The following F8 variants were observed in gnomAD, a reference collection of about 807,000 sequenced individuals.
F8 encodes coagulation factor VIII, also known as antihemophilic factor.
Under a neutral mutation model 140.6 loss-of-function variants are expected in F8, and 12 were observed. The ratio of observed to expected loss-of-function variants is 0.09; its 90% CI spans 0.05 to 0.14. The LOEUF (loss-of-function observed/expected upper bound fraction) is 0.14, where lower values mean the gene tolerates loss of function less well. Among genes scored for constraint, F8 ranks in the 10% least tolerant of loss-of-function variants. The pLI, the probability that F8 is intolerant of heterozygous loss-of-function variation, is 1.00. For synonymous variants in F8, 585 were observed against 614.6 expected (o/e 0.95, Z 0.71); for missense variants, 1,354 against 1,720.7 (o/e 0.79, Z 3.77).
At chrX:155,021,267 C>T (rs2073759107) in intron 1 of F8, among the ~76,000 whole-genome samples, 1 of 110,594 alleles carries the variant, frequency 9.0e-6, no homozygotes, top group South Asian at 3.8e-4. Flanking sequence ...CTGGGGTTAC[C>T]TAGCTGAGGT....
intron 22 of F8, among the ~76,000 whole-genome samples, chrX:154,867,817 C>T (rs1557273257): frequency 1.8e-5 from 2 of 109,744 alleles, no homozygotes. Flanking sequence ...CCAAATTCAA[C>T]AGCACATTAA....
rs781997837 is a variant in F8 at position 154,930,820 on chromosome X, C to T, written c.2970G>A (p.Arg990=). 2.5e-6 allele frequency: 3 copies of T among 1,208,501 alleles called. No homozygotes were observed. The highest frequency in any genetic ancestry group is 3.4e-6 in the Non-Finnish European group (3 of 894,004). The change falls in exon 14 of 26, where the codon AGG becomes AGA. Residue 990 remains arginine, a synonymous_variant. Transcript: ENST00000360256. ...GKNVSSTESG[R]LFKGKRAHGP... The stretch of plus-strand genomic sequence containing the variant: ...CATGAGCTCTTTTCCCTTTAAATAA[C>T]CTACCACTCTCTGTTGACGATACAT...
At chrX:154,983,553 C>T (rs782317359) in intron 6 of F8, among the ~76,000 whole-genome samples, 1 of 111,513 alleles carries the variant, frequency 9.0e-6, no homozygotes, top group African/African-American at 3.3e-5. Flanking sequence ...AGTATTAAAT[C>T]GTAACTGCAT....
rs2072706859 is a variant in F8 at position 154,863,174 on chromosome X, A to T, written c.6483T>A (p.Pro2161=). The part of the protein sequence containing the change: ...SSGIKHNIFN[P]PIIARYIRLH... ...AACGGATGTATCGAGCAATAATTGG[A>T]GGGTTAAAAATATTGTGTTTTATCC... Residue 2161 remains proline (P), a synonymous_variant, in exon 23 of 26, where the codon CCT becomes CCA. Transcript: ENST00000360256. The T allele has an allele frequency of 7.4e-6, 9 of 1,209,193 alleles. No individual in the cohort carries two copies. The highest frequency in any genetic ancestry group is 1.0e-5 in the Non-Finnish European group (9 of 892,903).
chrX:154,994,106 G>C (rs1226493513), intron 3 of F8, among the ~76,000 whole-genome samples: 3 of 112,263 alleles, frequency 2.7e-5, no homozygotes, highest in African/African-American at 6.5e-5. Context: ...AATTTGAGAT[G>C]AATCTTGAAA....
At chrX:154,838,199 TGCAACACA>T (rs2072490274) in intron 25 of F8, among the ~76,000 whole-genome samples, 1 of 112,289 alleles carries the variant, frequency 8.9e-6, no homozygotes. Context: ...TGATAACGAA[TGCAACACA>T]GCAAGGCATG....
chrX:154,936,025 A>ACACAC (rs1569559710), intron 13 of F8, among the ~76,000 whole-genome samples: 1 of 95,399 alleles, frequency 1.0e-5, no homozygotes, highest in African/African-American at 4.4e-5. Flanking sequence ...CACACACACA[A>ACACAC]AAATCAAAGT....
chrX:154,976,385 A>G (rs1449300060), intron 6 of F8, among the ~76,000 whole-genome samples: 3 of 111,166 alleles, frequency 2.7e-5, no homozygotes, highest in African/African-American at 9.8e-5. Context: ...TTTAAAAAAA[A>G]ATTCATTCAG....
chrX:155,012,808 A>C (rs972888603), intron 1 of F8, among the ~76,000 whole-genome samples: 15 of 110,616 alleles, frequency 1.4e-4, no homozygotes, highest in Non-Finnish European at 2.8e-4. Context: ...ATTCTACACA[A>C]ACTCTTTCAT....
At chrX:154,960,538 C>T (rs782209264) in intron 10 of F8, among the ~76,000 whole-genome samples, 2 of 108,682 alleles carry the variant, frequency 1.8e-5, no homozygotes, top group Admixed American at 9.9e-5. Flanking sequence ...AATGAATATG[C>T]GAAGAACCCT....
At chrX:155,021,597 A>G (rs1557287523) in intron 1 of F8, among the ~76,000 whole-genome samples, 1 of 111,721 alleles carries the variant, frequency 9.0e-6, no homozygotes, top group African/African-American at 3.3e-5. Flanking sequence ...CCAAAAGAAA[A>G]TTCTTGACAA....
intron 5 of F8, 150 bp downstream of exon 5, chrX:154,987,087 T>C: frequency 2.1e-6 from 1 of 472,880 alleles, no homozygotes; most frequent in African/African-American, 2.4e-5. Context: ...GAACTGAGGT[T>C]ACGTTTTGTT....
intron 22 of F8, among the ~76,000 whole-genome samples, chrX:154,873,560 C>A (rs189144867): frequency 4.8e-4 from 54 of 112,048 alleles, no homozygotes; most frequent in Non-Finnish European, 7.9e-4. Context: ...AAGAACAAAG[C>A]TAGAGGCATC....
At position 154,929,348 on chromosome X, in the gene F8, A is replaced by G. The variant is rs1800294; in HGVS notation, c.4442T>C (p.Leu1481Pro). 2.6e-5 allele frequency: 31 copies of G among 1,210,346 alleles called. 2 individuals carry two copies. The highest frequency in any genetic ancestry group is 2.3e-4 in the Middle Eastern group (1 of 4,377). ...GACTGAATTTGTGGCACTTGTCCCC[A>G]GGGAGCCAACCTCTCTTTGATCACC... is the stretch of plus-strand genomic sequence containing the variant. ...MTGDQREVGS[L>P]GTSATNSVTY... Residue 1481 changes from leucine to proline, a missense_variant, in exon 14 of 26, where the codon CTG (leucine) becomes CCG (proline). Leu to Pro is a moderately conservative substitution (Grantham distance 98). Around this residue, in one of 4 missense-constraint regions of F8, gnomAD observed 658 missense variants for 666.5 expected, o/e 0.99. Transcript: ENST00000360256.
intron 22 of F8, among the ~76,000 whole-genome samples, chrX:154,874,978 G>C (rs2072801068): frequency 1.8e-5 from 2 of 111,860 alleles, no homozygotes; most frequent in South Asian, 7.4e-4. Context: ...GAGGGATAAA[G>C]ACAATCTGAT....
chrX:154,948,960 G>A (rs1305273641), intron 12 of F8, among the ~76,000 whole-genome samples: 3 of 111,699 alleles, frequency 2.7e-5, no homozygotes, highest in African/African-American at 9.8e-5. Context: ...CAAGATGTAA[G>A]CGGAAACTTA....
chrX:154,878,041 T>C (rs943692468), intron 22 of F8, among the ~76,000 whole-genome samples: 1 of 111,817 alleles, frequency 8.9e-6, no homozygotes, highest in African/African-American at 3.3e-5. Context: ...CTTCTTAAAC[T>C]CTTCCAAGAG....
intron 6 of F8, among the ~76,000 whole-genome samples, chrX:154,975,733 G>T (rs1357111391): frequency 8.9e-6 from 1 of 112,098 alleles, no homozygotes; most frequent in African/African-American, 3.2e-5. Flanking sequence ...TTTATATTAG[G>T]TTGGTGCAAA....
chrX:154,949,480 C>T (rs963535395), intron 12 of F8, among the ~76,000 whole-genome samples: 4 of 112,109 alleles, frequency 3.6e-5, no homozygotes, highest in African/African-American at 1.3e-4. Flanking sequence ...CTTTAAAATA[C>T]ATTTGTTGTA....
Sources: allele counts gnomAD v4.1 joint callset (sites outside exome capture counted in the v4.1 genomes callset), GRCh38; gene constraint gnomAD v4.1.1; regional missense constraint gnomAD v4.1.1; transcripts MANE v1.5; gene names NCBI Gene and HGNC (gene_info 2026-07-23, HGNC 2026-07-21).